RNF13: variants seen among roughly 807,000 people sequenced by gnomAD.
RNF13 encodes E3 ubiquitin-protein ligase RNF13.
In RNF13, 19 loss-of-function variants were observed where a neutral mutation model predicts 37.7. The ratio of observed to expected loss-of-function variants is 0.50; its 90% confidence interval spans 0.35 to 0.74. RNF13 has a LOEUF of 0.74. Ranked by LOEUF, RNF13 falls within the 30% of genes least tolerant of loss-of-function variation. RNF13 has a pLI of 0.01. For missense variants in RNF13, 375 were observed against 453.0 expected (o/e 0.83, Z 1.56); for synonymous variants, 144 against 157.8 (o/e 0.91, Z 0.65).
intron 1 of RNF13, among the ~76,000 whole-genome samples, chr3:149,823,988 A>G (rs760048050): frequency 3.9e-5 from 6 of 152,186 alleles, no homozygotes; most frequent in Non-Finnish European, 8.8e-5. Context: ...GGGGCAGGAA[A>G]AGTACAAGGC....
chr3:149,852,930 G>A (rs996186757), intron 3 of RNF13, among the ~76,000 whole-genome samples: 24 of 151,508 alleles, frequency 1.6e-4, no homozygotes, highest in African/African-American at 5.8e-4. Flanking sequence ...ATATGTAAAT[G>A]CTTTCATATA....
At chr3:149,941,406 T>C (rs1197860159) in intron 8 of RNF13, among the ~76,000 whole-genome samples, 1 of 152,142 alleles carries the variant, frequency 6.6e-6, no homozygotes, top group Non-Finnish European at 1.5e-5. Context: ...CGATATCTCA[T>C]TGTTTTGATT....
At chr3:149,828,870 A>C (rs1282851264) in intron 1 of RNF13, among the ~76,000 whole-genome samples, 3 of 152,148 alleles carry the variant, frequency 2.0e-5, no homozygotes, top group East Asian at 1.9e-4. Context: ...CTGCATCTCA[A>C]GGGGAGGGGC....
rs112484665 is a variant in RNF13, at chr3:149,925,717, C to T, written c.700+4490C>T. Among the ~76,000 whole-genome samples the T allele has an allele frequency of 3.9e-4, 60 of 152,116 alleles. 1 individual carries two copies. Among genetic ancestry groups the T allele is most frequent in the Middle Eastern group, 3.4e-3 (1 of 294 alleles). ...TGCATATGTCCATGAATTTCTTTAG[C>T]ATATATACCTAGAAGTAGATTAATT... On this transcript the variant is annotated intron_variant, in intron 8 of 9. Coordinates refer to ENST00000392894, the MANE Select transcript of RNF13 (RefSeq NM_183381.3).
At chr3:149,860,270 A>AATATATATATATATAT (rs1186058605) in intron 3 of RNF13, among the ~76,000 whole-genome samples, 3 of 104,094 alleles carry the variant, frequency 2.9e-5, no homozygotes, top group African/African-American at 1.3e-4. Context: ...AAAAAAAAAA[A>AATATATATATATATAT]ATATATATAT....
intron 2 of RNF13, among the ~76,000 whole-genome samples, chr3:149,846,507 G>C (rs1050121376): frequency 6.6e-6 from 1 of 152,118 alleles, no homozygotes; most frequent in African/African-American, 2.4e-5. Context: ...GTTTCACCAT[G>C]TTGGCCAGGC....
chr3:149,845,341 A>G (rs1252763087), intron 1 of RNF13, among the ~76,000 whole-genome samples: 1 of 152,294 alleles, frequency 6.6e-6, no homozygotes, highest in African/African-American at 2.4e-5. Flanking sequence ...TTTTATATTT[A>G]TGGGTTGACA....
intron 1 of RNF13, among the ~76,000 whole-genome samples, chr3:149,843,309 A>T (rs1576749798): frequency 6.6e-6 from 1 of 152,302 alleles, no homozygotes; most frequent in South Asian, 2.1e-4. Context: ...GAGTCCTGGA[A>T]CTGATCCCCC....
intron 8 of RNF13, among the ~76,000 whole-genome samples, chr3:149,943,042 A>C (rs1017883422): frequency 1.3e-5 from 2 of 152,236 alleles, no homozygotes; most frequent in East Asian, 1.9e-4. Flanking sequence ...CCCACTGGTC[A>C]TGGTATATAA....
intron 2 of RNF13, among the ~76,000 whole-genome samples, chr3:149,848,518 T>G (rs1372119082): frequency 1.3e-5 from 2 of 152,204 alleles, no homozygotes; most frequent in Non-Finnish European, 2.9e-5. Flanking sequence ...GAGCACCTCC[T>G]TTTAATGCAA....
intron 1 of RNF13, among the ~76,000 whole-genome samples, chr3:149,833,642 A>G (rs1186110403): frequency 6.6e-6 from 1 of 152,234 alleles, no homozygotes; most frequent in African/African-American, 2.4e-5. Flanking sequence ...TGTGTAAAAA[A>G]CCGACAACTA....
At chr3:149,817,327 G>T (rs1393569977) in intron 1 of RNF13, 1 of 152,116 alleles carries the variant, frequency 6.6e-6, no homozygotes, top group Non-Finnish European at 1.5e-5. Flanking sequence ...AGGAGGTAAG[G>T]TAGTGGGGAG....
chr3:149,907,301 T>G (rs1055870590), intron 6 of RNF13, among the ~76,000 whole-genome samples: 4 of 152,236 alleles, frequency 2.6e-5, no homozygotes, highest in African/African-American at 9.6e-5. Flanking sequence ...GTAGTAGAGA[T>G]AGGCATCTTT....
chr3:149,828,665 ACTCT>A (rs745910907), intron 1 of RNF13, among the ~76,000 whole-genome samples: 10 of 150,046 alleles, frequency 6.7e-5, no homozygotes, highest in South Asian at 2.1e-4. Flanking sequence ...CACTCCTATC[ACTCT>A]CTCTCTCTCT....
chr3:149,899,323 C>G (rs1254225562), intron 5 of RNF13, among the ~76,000 whole-genome samples: 1 of 152,014 alleles, frequency 6.6e-6, no homozygotes, highest in Non-Finnish European at 1.5e-5. Context: ...GGCGTGCATG[C>G]CTGTAGTCCC....
At chr3:149,907,139 TAAC>T (rs1716497568) in intron 6 of RNF13, among the ~76,000 whole-genome samples, 2 of 152,220 alleles carry the variant, frequency 1.3e-5, no homozygotes, top group Non-Finnish European at 2.9e-5. Context: ...GTGGATATAA[TAAC>T]CTGCAATTTG....
At chr3:149,912,106 A>C (rs778333410) in intron 7 of RNF13, 23 bp downstream of exon 7, 1 of 1,192,948 alleles carries the variant, frequency 8.4e-7, no homozygotes, top group South Asian at 1.3e-5. Flanking sequence ...ACTTTTAATA[A>C]TTTTTAAAAA....
intron 1 of RNF13, among the ~76,000 whole-genome samples, chr3:149,828,329 C>T (rs1720702386): frequency 6.6e-6 from 1 of 152,156 alleles, no homozygotes; most frequent in Non-Finnish European, 1.5e-5. Flanking sequence ...GTGCCTAGCA[C>T]AAAATTAAGT....
intron 8 of RNF13, among the ~76,000 whole-genome samples, chr3:149,942,647 A>G (rs943774872): frequency 2.6e-5 from 4 of 152,118 alleles, no homozygotes; most frequent in Non-Finnish European, 4.4e-5. Flanking sequence ...TCTTCTGTGA[A>G]GGGAATTAAT....
Sources: allele counts gnomAD v4.1 joint callset (sites outside exome capture counted in the v4.1 genomes callset), GRCh38; gene constraint gnomAD v4.1.1; transcripts MANE v1.5; gene names NCBI Gene and HGNC (gene_info 2026-07-23, HGNC 2026-07-21).